The following DENND4A variants were observed in gnomAD, a reference collection of about 807,000 sequenced individuals.
DENND4A encodes DENN domain containing 4A, also known as C-myc promoter-binding protein.
A neutral mutation model predicts 199.3 loss-of-function variants in DENND4A; 70 were observed. That is an observed-to-expected ratio of 0.35 (90% confidence interval 0.29 to 0.43). The LOEUF is 0.43. DENND4A is among the 20% of genes least tolerant of loss of function. The pLI is 1.00. For synonymous variants in DENND4A, 686 were observed against 766.9 expected (o/e 0.89, Z 1.74); for missense variants, 1,723 against 2,255.8 (o/e 0.76, Z 4.78).
In DENND4A at chr15:65,691,298, T is replaced by A. The variant is rs774073458; in HGVS notation, c.3296A>T (p.Asp1099Val). Residue 1099 changes from aspartate to valine, a missense_variant, in exon 23 of 33, where the codon GAT becomes GTT. Transcript: ENST00000443035. ...NRINQEATPG[D>V]IVEKLGADAK... ...ATCAGCTCCCAATTTTTCAACTATATCTCCAGGGGTTGCTTCCTGGTTAAT... is the reference window on the plus strand; with the variant it reads ...ATCAGCTCCCAATTTTTCAACTATAACTCCAGGGGTTGCTTCCTGGTTAAT... 2 of 1,613,264 alleles carry A rather than the reference T, an allele frequency of 1.2e-6. No individual in the cohort carries two copies. The highest frequency in any genetic ancestry group is 2.2e-5 in the East Asian group (1 of 44,866).
At chr15:65,743,551 C>T (rs2140497156) in intron 4 of DENND4A, among the ~76,000 whole-genome samples, 2 of 152,254 alleles carry the variant, frequency 1.3e-5, no homozygotes, top group African/African-American at 4.8e-5. Context: ...TTTAGGTTTT[C>T]TTTTTTACTA....
At chr15:65,665,487 T>C in intron 29 of DENND4A, 25 bp from the exon 30 acceptor site, 1 of 1,532,238 alleles carries the variant, frequency 6.5e-7, no homozygotes, top group Non-Finnish European at 9.0e-7. Flanking sequence ...AAACATTCAT[T>C]AATGATCCTT....
intron 1 of DENND4A, among the ~76,000 whole-genome samples, chr15:65,786,461 T>C (rs2077569239): frequency 6.6e-6 from 1 of 152,064 alleles, no homozygotes; most frequent in Admixed American, 6.6e-5. Flanking sequence ...CAGGCACAGT[T>C]GCTCATGCCT....
chr15:65,702,604 A>G, intron 16 of DENND4A, 93 bp from the exon 17 acceptor site: 1 of 1,119,750 alleles, frequency 8.9e-7, no homozygotes, highest in Non-Finnish European at 1.3e-6. Context: ...ACATGCTTTT[A>G]TAATGTTTCC....
At chr15:65,675,065 ATCT>A (rs2076332122) in intron 24 of DENND4A, among the ~76,000 whole-genome samples, 1 of 152,216 alleles carries the variant, frequency 6.6e-6, no homozygotes. Flanking sequence ...TGAAAAACAA[ATCT>A]TCTATTACAT....
At chr15:65,702,561 T>C (rs1464580084) in intron 16 of DENND4A, 50 bp from the exon 17 acceptor site, 5 of 1,414,536 alleles carry the variant, frequency 3.5e-6, no homozygotes, top group Non-Finnish European at 3.9e-6. Flanking sequence ...CTTAGGCATC[T>C]TTATTTAACT....
chr15:65,676,646 A>G lies in DENND4A; in HGVS notation c.4180-12T>C. 1 of 1,596,780 alleles carries G rather than the reference A, an allele frequency of 6.3e-7. No individual in the cohort carries two copies. Among genetic ancestry groups the G allele is most frequent in the Non-Finnish European group, 8.5e-7 (1 of 1,171,480 alleles). On this transcript the variant is annotated splice_polypyrimidine_tract_variant and intron_variant, in intron 23 of 32. Coordinates refer to ENST00000443035, the MANE Select transcript of DENND4A (RefSeq NM_001320835.1). ...TCAGAACTTTGATCCTAAGGACATAATTATAAGCTTAATTTCTTGTACATT... is the reference window on the plus strand; with the variant it reads ...TCAGAACTTTGATCCTAAGGACATAGTTATAAGCTTAATTTCTTGTACATT...
chr15:65,717,377 A>G (rs1386651394), intron 13 of DENND4A, among the ~76,000 whole-genome samples: 1 of 152,200 alleles, frequency 6.6e-6, no homozygotes, highest in Non-Finnish European at 1.5e-5. Context: ...AAAGTACATA[A>G]TATTTGAAAA....
At chr15:65,781,347 A>G (rs2077431733) in intron 1 of DENND4A, among the ~76,000 whole-genome samples, 1 of 152,194 alleles carries the variant, frequency 6.6e-6, no homozygotes, top group African/African-American at 2.4e-5. Context: ...TTTCAGGTTT[A>G]TGTTTCAAAC....
At chr15:65,745,810 C>T (rs2076371667) in intron 4 of DENND4A, among the ~76,000 whole-genome samples, 1 of 151,920 alleles carries the variant, frequency 6.6e-6, no homozygotes, top group South Asian at 2.1e-4. Context: ...AGTTACGGGG[C>T]TCTGTAGGAA....
At chr15:65,786,484 C>T (rs1478114221) in intron 1 of DENND4A, among the ~76,000 whole-genome samples, 1 of 151,988 alleles carries the variant, frequency 6.6e-6, no homozygotes, top group Non-Finnish European at 1.5e-5. Flanking sequence ...AATCCCAGCA[C>T]TTTGGGAGGC....
chr15:65,694,227 T>C (rs1024156100), intron 22 of DENND4A, among the ~76,000 whole-genome samples: 2 of 152,190 alleles, frequency 1.3e-5, no homozygotes, highest in Non-Finnish European at 2.9e-5. Flanking sequence ...GGCAGGTAGA[T>C]TGCCTGAGGT....
rs2075828310 is a variant in DENND4A at position 65,660,902 on chromosome 15, G to C, written c.*949C>G. 6.6e-6 allele frequency: 1 copy of C among 152,032 alleles called. No homozygotes were observed. The highest frequency in any genetic ancestry group is 1.5e-5 in the Non-Finnish European group (1 of 68,020). 9.4% of individuals were successfully genotyped at this position (152,032 alleles called of 1,614,324 possible). ...AATTTGCATCATACCCAATATTTTA[G>C]ATATTAAAATAAGGGTAAAATTTGG... On this transcript the variant is annotated 3_prime_UTR_variant, in exon 33 of 33. Transcript: ENST00000443035.
chr15:65,773,074 G>A (rs1292396199), intron 1 of DENND4A, among the ~76,000 whole-genome samples: 2 of 149,108 alleles, frequency 1.3e-5, no homozygotes, highest in East Asian at 3.9e-4. Context: ...CAATGCTCCA[G>A]CAATGGCATC....
intron 2 of DENND4A, among the ~76,000 whole-genome samples, chr15:65,760,167 T>A (rs758398803): frequency 6.6e-6 from 1 of 152,226 alleles, no homozygotes; most frequent in African/African-American, 2.4e-5. Flanking sequence ...AACTAAAACA[T>A]CCTCCTTTTT....
intron 1 of DENND4A, among the ~76,000 whole-genome samples, chr15:65,776,849 A>G (rs566773395): frequency 6.6e-6 from 1 of 152,344 alleles, no homozygotes; most frequent in East Asian, 1.9e-4. Flanking sequence ...GAAGACTCAG[A>G]GAAATCATGC....
At chr15:65,750,642 A>G (rs556033016) in intron 4 of DENND4A, among the ~76,000 whole-genome samples, 8 of 152,348 alleles carry the variant, frequency 5.3e-5, no homozygotes, top group South Asian at 4.1e-4. Context: ...GGAAGTAGGA[A>G]CAAGAACCTT....
At chr15:65,782,226 T>C (rs2077452925) in intron 1 of DENND4A, among the ~76,000 whole-genome samples, 1 of 152,174 alleles carries the variant, frequency 6.6e-6, no homozygotes, top group Non-Finnish European at 1.5e-5. Flanking sequence ...CCACATCAGG[T>C]GCCTTTCTGC....
intron 1 of DENND4A, among the ~76,000 whole-genome samples, chr15:65,780,465 C>T (rs2077408923): frequency 1.3e-5 from 2 of 152,194 alleles, no homozygotes; most frequent in South Asian, 4.1e-4. Context: ...TACTAATCAT[C>T]ATCAACACCA....
Sources: gnomAD v4.1 joint callset for allele counts (sites outside exome capture counted in the v4.1 genomes callset) on GRCh38, gnomAD v4.1.1 for gene constraint, MANE v1.5 for transcripts, NCBI Gene and HGNC (gene_info 2026-07-23, HGNC 2026-07-21) for gene names.